Variants in NRG3 observed in about 807,000 individuals in gnomAD.
NRG3 encodes the protein pro-neuregulin-3, membrane-bound isoform.
A neutral mutation model predicts 66.9 loss-of-function variants in NRG3; 31 were observed. The ratio of observed to expected loss-of-function variants is 0.46; its 90% CI spans 0.35 to 0.63. The LOEUF is 0.63. Ranked by LOEUF, NRG3 falls within the 20% of genes least tolerant of loss-of-function variation. NRG3 has a pLI of 0.00. For synonymous variants in NRG3, 393 were observed against 359.4 expected (o/e 1.09, Z -1.06); for missense variants, 910 against 878.9 (o/e 1.04, Z -0.45).
chr10:82,002,775 A>G (rs1354166431), intron 1 of NRG3, among the ~76,000 whole-genome samples: 1 of 152,216 alleles, frequency 6.6e-6, no homozygotes, highest in Non-Finnish European at 1.5e-5. Flanking sequence ...ATGCAAGAAA[A>G]TAGTTTCATG....
At chr10:82,928,123 C>A (rs1467392937) in intron 4 of NRG3, among the ~76,000 whole-genome samples, 1 of 151,972 alleles carries the variant, frequency 6.6e-6, no homozygotes, top group Non-Finnish European at 1.5e-5. Context: ...CATATGTTTG[C>A]TGGCTATATA....
chr10:82,709,871 T>C (rs1440336060), intron 2 of NRG3, among the ~76,000 whole-genome samples: 1 of 152,256 alleles, frequency 6.6e-6, no homozygotes, highest in African/African-American at 2.4e-5. Context: ...TTTGTTTTTC[T>C]GTTCCTTTTC....
At chr10:82,533,207 A>G (rs1309950903) in intron 2 of NRG3, among the ~76,000 whole-genome samples, 1 of 151,816 alleles carries the variant, frequency 6.6e-6, no homozygotes, top group Non-Finnish European at 1.5e-5. Flanking sequence ...GGGGTCTAAC[A>G]TATATGGTTT....
At chr10:82,207,974 T>C (rs1300903443) in intron 1 of NRG3, among the ~76,000 whole-genome samples, 1 of 152,156 alleles carries the variant, frequency 6.6e-6, no homozygotes, top group Non-Finnish European at 1.5e-5. Flanking sequence ...CTTTTAAGAA[T>C]AGTTAATATT....
intron 2 of NRG3, among the ~76,000 whole-genome samples, chr10:82,611,947 A>G (rs1411495803): frequency 6.6e-6 from 1 of 152,150 alleles, no homozygotes; most frequent in Non-Finnish European, 1.5e-5. Context: ...CTGACTTTTT[A>G]ACGATCAACA....
At chr10:82,433,316 G>GT (rs1295940365) in intron 2 of NRG3, among the ~76,000 whole-genome samples, 1 of 151,916 alleles carries the variant, frequency 6.6e-6, no homozygotes, top group Non-Finnish European at 1.5e-5. Context: ...GGGGTTGTTT[G>GT]TTTTTTTCTT....
intron 4 of NRG3, among the ~76,000 whole-genome samples, chr10:82,915,013 C>A (rs1049042690): frequency 6.6e-6 from 1 of 152,136 alleles, no homozygotes; most frequent in African/African-American, 2.4e-5. Flanking sequence ...ACCATGATAA[C>A]CTCTAGAGGT....
intron 1 of NRG3, among the ~76,000 whole-genome samples, chr10:82,185,212 G>GA (rs540754831): frequency 3.3e-5 from 5 of 151,828 alleles, no homozygotes; most frequent in Admixed American, 2.6e-4. Context: ...GGAAACAAAA[G>GA]AAAAAAAATT....
intron 2 of NRG3, among the ~76,000 whole-genome samples, chr10:82,367,944 A>T (rs1315545328): frequency 6.6e-6 from 1 of 152,152 alleles, no homozygotes; most frequent in Non-Finnish European, 1.5e-5. Flanking sequence ...TCAAGGATGC[A>T]ATAAGCCGAG....
chr10:82,974,037 C>A, intron 7 of NRG3, 122 bp downstream of exon 7: 1 of 1,101,524 alleles, frequency 9.1e-7, no homozygotes, highest in Non-Finnish European at 1.3e-6. Flanking sequence ...TCCTGTAGTT[C>A]TCTGTGGAGT....
intron 1 of NRG3, among the ~76,000 whole-genome samples, chr10:82,100,161 A>G (rs2066639302): frequency 6.6e-6 from 1 of 152,096 alleles, no homozygotes; most frequent in African/African-American, 2.4e-5. Flanking sequence ...TTAATGGAAT[A>G]GTAAATGTTG....
intron 2 of NRG3, among the ~76,000 whole-genome samples, chr10:82,364,749 G>A (rs1457302005): frequency 6.6e-6 from 1 of 152,194 alleles, no homozygotes. Flanking sequence ...GACCTGTATT[G>A]ACCATTTTGG....
intron 3 of NRG3, among the ~76,000 whole-genome samples, chr10:82,757,129 T>A (rs772123099): frequency 7.2e-5 from 11 of 152,194 alleles, no homozygotes; most frequent in Non-Finnish European, 1.5e-4. Context: ...CTCTGGAGTA[T>A]GAAAAGTGTG....
intron 2 of NRG3, among the ~76,000 whole-genome samples, chr10:82,366,011 C>T (rs2084497805): frequency 1.3e-5 from 2 of 152,004 alleles, no homozygotes; most frequent in African/African-American, 2.4e-5. Flanking sequence ...AAATACCTTC[C>T]CTGTGTGAGT....
rs1438753701 is a variant in NRG3, at chr10:82,642,369, G to T, written c.954-96208G>T. On this transcript the variant is annotated intron_variant, in intron 2 of 8. Transcript: ENST00000372141. ...AACTCTAAATTAATTAATAGACCAA[G>T]ACATTGATTATTAACAGCTGTTAAC... Among the ~76,000 whole-genome samples, 3 of 151,588 alleles carry T rather than the reference G, an allele frequency of 2.0e-5. No individual in the cohort carries two copies. The East Asian group carries it at 5.8e-4, about 29-fold the overall frequency.
intron 2 of NRG3, among the ~76,000 whole-genome samples, chr10:82,513,176 A>G (rs1242460313): frequency 6.6e-6 from 1 of 152,178 alleles, no homozygotes; most frequent in Non-Finnish European, 1.5e-5. Context: ...CTCATTGTTC[A>G]GCTCTCACTT....
chr10:82,372,735 A>G (rs2084964742), intron 2 of NRG3, among the ~76,000 whole-genome samples: 1 of 152,154 alleles, frequency 6.6e-6, no homozygotes, highest in African/African-American at 2.4e-5. Context: ...CTGAGATTAC[A>G]GGCATGCACC....
chr10:82,739,543 G>A (rs145935911), intron 3 of NRG3, among the ~76,000 whole-genome samples: 12 of 152,230 alleles, frequency 7.9e-5, no homozygotes, highest in South Asian at 2.1e-4. Context: ...GTGTCTGTGC[G>A]TTTTGCTGCA....
intron 4 of NRG3, among the ~76,000 whole-genome samples, chr10:82,894,513 A>G (rs999256500): frequency 1.6e-4 from 24 of 151,904 alleles, no homozygotes; most frequent in African/African-American, 5.1e-4. Flanking sequence ...CGTAATACCA[A>G]TTTTGGTTCT....
Sources: gnomAD v4.1 joint callset for allele counts (sites outside exome capture counted in the v4.1 genomes callset) on GRCh38, gnomAD v4.1.1 for gene constraint, MANE v1.5 for transcripts, NCBI Gene and HGNC (gene_info 2026-07-23, HGNC 2026-07-21) for gene names.